Variants in FANCA observed in about 807,000 individuals in gnomAD.
FANCA encodes the protein Fanconi anemia group A protein.
Under a neutral mutation model 194.3 loss-of-function variants are expected in FANCA, and 236 were observed. The ratio of observed to expected loss-of-function variants is 1.21; its 90% CI spans 1.09 to 1.35. The LOEUF (loss-of-function observed/expected upper bound fraction) is 1.35. FANCA is among the 40% of genes most tolerant of loss of function. The pLI is 0.00. For synonymous variants in FANCA, 1,014 were observed against 715.8 expected (o/e 1.42, Z -6.65); for missense variants, 2,628 against 1,813.9 (o/e 1.45, Z -8.15).
At chr16:89,778,285 G>A (rs555532829) in intron 20 of FANCA, 59 of 254,434 alleles carry the variant, frequency 2.3e-4, no homozygotes, top group Non-Finnish European at 3.3e-4. Context: ...GGCCAATATG[G>A]CAAAACCCTG....
At chr16:89,762,641 C>A (rs78009699) in intron 28 of FANCA, 4,612 of 295,504 alleles carry the variant, frequency 0.016, 227 homozygotes, top group African/African-American at 0.097. Context: ...AGCATACCTT[C>A]ATTTATTTTT....
intron 14 of FANCA, among the ~76,000 whole-genome samples, chr16:89,785,308 TG>T (rs2039860774): frequency 6.6e-6 from 1 of 152,248 alleles, no homozygotes; most frequent in South Asian, 2.1e-4. Context: ...ACACTAACTA[TG>T]GGATCCTTTT....
intron 26 of FANCA, 56 bp from the exon 27 acceptor site, chr16:89,767,293 G>A (rs1183061762): frequency 8.0e-7 from 1 of 1,255,504 alleles, no homozygotes; most frequent in African/African-American, 1.5e-5. Context: ...AGGGATGAAG[G>A]AAAAAGTTAC....
intron 31 of FANCA, among the ~76,000 whole-genome samples, chr16:89,751,265 C>T (rs757245769): frequency 1.3e-5 from 2 of 152,014 alleles, no homozygotes; most frequent in East Asian, 1.9e-4. Flanking sequence ...TTTTGGAGAC[C>T]GAGATGGGTG....
chr16:89,811,095 G>C (rs201828529), intron 3 of FANCA, 24 bp from the exon 4 acceptor site: 2 of 1,613,634 alleles, frequency 1.2e-6, no homozygotes, highest in Non-Finnish European at 1.7e-6. Context: ...CAAAACCATA[G>C]CTTTCTCTTA....
chr16:89,787,881 AT>A (rs932994618), intron 14 of FANCA, among the ~76,000 whole-genome samples: 10 of 149,692 alleles, frequency 6.7e-5, no homozygotes, highest in South Asian at 4.3e-4. Flanking sequence ...AAAAAAAAAA[AT>A]TTTTTTTTTG....
intron 35 of FANCA, among the ~76,000 whole-genome samples, chr16:89,745,541 G>T (rs1217326268): frequency 3.4e-5 from 4 of 117,102 alleles, no homozygotes; most frequent in Non-Finnish European, 4.9e-5. Flanking sequence ...AGCTGGGAAC[G>T]AAACAGTGAA....
intron 9 of FANCA, among the ~76,000 whole-genome samples, 179 bp downstream of exon 9, chr16:89,799,426 T>C (rs1266660416): frequency 2.0e-5 from 3 of 152,194 alleles, no homozygotes; most frequent in African/African-American, 7.2e-5. Flanking sequence ...ACCCACAGAT[T>C]CATGAGGTAT....
rs746057121 is a variant in FANCA, at chr16:89,813,087, G to T, written c.283+1433C>A. On this transcript the variant is annotated intron_variant, in intron 3 of 42. Transcript: ENST00000389301. ...TTCTAGAAGCTTAAAATTATAGTAC[G>T]AGAAATCATCAGCTGCTGGTGAAAT... is the stretch of plus-strand genomic sequence containing the variant. Among the ~76,000 whole-genome samples, 75 of 150,916 alleles carry T rather than the reference G, an allele frequency of 5.0e-4. No individual in the cohort carries two copies. In the Middle Eastern group the frequency reaches 0.017, roughly 35 times the overall value.
chr16:89,779,617 T>C (rs2039632796), intron 18 of FANCA, among the ~76,000 whole-genome samples: 1 of 152,124 alleles, frequency 6.6e-6, no homozygotes, highest in Non-Finnish European at 1.5e-5. Flanking sequence ...TCACCCCGTA[T>C]CCCTTAACGG....
chr16:89,792,723 C>T, intron 11 of FANCA, 176 bp from the exon 12 acceptor site: 1 of 591,212 alleles, frequency 1.7e-6, no homozygotes, highest in Non-Finnish European at 3.1e-6. Flanking sequence ...GCCCGGGGGA[C>T]CACTACCATC....
chr16:89,812,337 CA>C (rs1377059641), intron 3 of FANCA, among the ~76,000 whole-genome samples: 1 of 148,326 alleles, frequency 6.7e-6, no homozygotes, highest in East Asian at 2.0e-4. Context: ...GACTTCATCT[CA>C]AAAAAACAAA....
chr16:89,788,614 CG>C (rs2143504084), intron 14 of FANCA, among the ~76,000 whole-genome samples: 1 of 152,090 alleles, frequency 6.6e-6, no homozygotes. Flanking sequence ...CTGAGCAACA[CG>C]GTATGACATT....
intron 10 of FANCA, among the ~76,000 whole-genome samples, chr16:89,797,611 C>G (rs377608342): frequency 6.6e-6 from 1 of 152,098 alleles, no homozygotes; most frequent in South Asian, 2.1e-4. Flanking sequence ...GGTGCGGTGG[C>G]TCACGCCTGT....
chr16:89,752,275 G>A, intron 30 of FANCA, 53 bp from the exon 31 acceptor site: 1 of 1,427,752 alleles, frequency 7.0e-7, no homozygotes, highest in East Asian at 2.3e-5. Context: ...TAGTGCTGAA[G>A]TTCCCAGTTC....
At chr16:89,797,411 G>T (rs530214798) in intron 10 of FANCA, among the ~76,000 whole-genome samples, 7 of 152,298 alleles carry the variant, frequency 4.6e-5, no homozygotes, top group Non-Finnish European at 7.4e-5. Context: ...ACCCAACGAG[G>T]CCACGTCGGC....
intron 30 of FANCA, among the ~76,000 whole-genome samples, chr16:89,756,241 A>G (rs2038763450): frequency 6.6e-6 from 1 of 152,248 alleles, no homozygotes. Context: ...TAAAATGGCC[A>G]ATAAGAAAAT....
Position 89,791,481 on chromosome 16 carries a change from C to G in FANCA, c.1281G>C (p.Met427Ile), listed in dbSNP as rs747322973. Residue 427 changes from methionine (M) to isoleucine (I), a missense_variant, in exon 14 of 43, where the codon ATG (methionine) becomes ATC (isoleucine). Transcript: ENST00000389301. The stretch of plus-strand genomic sequence containing the variant: ...GGCGCACAACCAGGAACGCAGTGAC[C>G]ATGCTGTCCAGCTGGCAGCTCTCGA... ...QAFESCQLDS[M>I]VTAFLVVRQA... The G allele has an allele frequency of 2.0e-5, 32 of 1,614,062 alleles. No homozygotes were observed. The Admixed American group carries it at 4.7e-4, about 24-fold the overall frequency.
chr16:89,747,916 ACTT>A (rs1379281995), intron 33 of FANCA, among the ~76,000 whole-genome samples: 3 of 152,028 alleles, frequency 2.0e-5, no homozygotes, highest in South Asian at 2.1e-4. Context: ...AGCGAGTGTC[ACTT>A]CTTTTTATTT....
Sources: allele counts gnomAD v4.1 joint callset (sites outside exome capture counted in the v4.1 genomes callset), GRCh38; gene constraint gnomAD v4.1.1; transcripts MANE v1.5; gene names NCBI Gene and HGNC (gene_info 2026-07-23, HGNC 2026-07-21).